DLGAP1: variants seen among roughly 807,000 people sequenced by gnomAD.
The protein encoded by DLGAP1 is DLG associated protein 1, also known as disks large-associated protein 1.
DLGAP1 carries 11 observed loss-of-function variants against 90.8 expected under a neutral mutation model. That is an observed-to-expected ratio of 0.12 (90% CI 0.08 to 0.20). DLGAP1 has a LOEUF of 0.20. DLGAP1 is among the 10% of genes least tolerant of loss of function. The pLI is 1.00. For missense variants in DLGAP1, 1,050 were observed against 1,333.8 expected (o/e 0.79, Z 3.31); for synonymous variants, 558 against 540.7 (o/e 1.03, Z -0.44).
At chr18:4,305,831 A>C (rs2080238231) in intron 1 of DLGAP1, among the ~76,000 whole-genome samples, 1 of 151,680 alleles carries the variant, frequency 6.6e-6, no homozygotes, top group Non-Finnish European at 1.5e-5. Flanking sequence ...TTAAAACAAA[A>C]CAAGCAAATC....
intron 9 of DLGAP1, among the ~76,000 whole-genome samples, chr18:3,540,418 C>T (rs1237098532): frequency 1.4e-5 from 2 of 141,294 alleles, no homozygotes; most frequent in Admixed American, 7.6e-5. Flanking sequence ...TGCAGTAAGC[C>T]GAGATTGCAC....
In DLGAP1 at chr18:3,499,225, C is replaced by T; in HGVS notation, c.2894G>A (p.Ser965Asn). Residue 965 changes from serine (S) to asparagine (N), a missense_variant, in exon 13 of 13, where the codon AGC becomes AAC. Physicochemically the swap from Ser to Asn is conservative, Grantham distance 46 (BLOSUM62 1). This residue lies in a region of DLGAP1 where 565 missense variants were observed against 879.7 expected (regional missense o/e 0.64). Transcript: ENST00000315677. The surrounding 1 kb of genome is among the most constrained non-coding windows in gnomAD (Gnocchi z 6.4). ...RQNSATESAE[S>N]IEIYIPEAQT... ...CGCCTCGGGGATGTAGATCTCGATG[C>T]TCTCGGCGCTCTCGGTGGCCGAGTT... is the stretch of plus-strand genomic sequence containing the variant. 6.3e-7 allele frequency: 1 copy of T among 1,588,928 alleles called. No homozygotes were observed. Among genetic ancestry groups the T allele is most frequent in the Non-Finnish European group, 8.5e-7 (1 of 1,170,806 alleles).
intron 3 of DLGAP1, among the ~76,000 whole-genome samples, chr18:3,991,340 G>C (rs4541164): frequency 0.34 from 52,301 of 151,904 alleles, 9,133 homozygotes; most frequent in East Asian, 0.5. Flanking sequence ...TCATCTCTCT[G>C]TATTTCCGGT....
chr18:4,066,351 A>G (rs2075369714), intron 2 of DLGAP1, among the ~76,000 whole-genome samples: 1 of 152,144 alleles, frequency 6.6e-6, no homozygotes, highest in East Asian at 1.9e-4. Context: ...CAGCAAAAAA[A>G]TAAAAATGAA....
At chr18:4,247,269 C>T (rs979293832) in intron 1 of DLGAP1, among the ~76,000 whole-genome samples, 6 of 152,182 alleles carry the variant, frequency 3.9e-5, no homozygotes, top group African/African-American at 1.4e-4. Context: ...TTTAGAACCA[C>T]CAGCTATATT....
At chr18:3,617,106 G>T (rs769569775) in intron 7 of DLGAP1, among the ~76,000 whole-genome samples, 1 of 152,078 alleles carries the variant, frequency 6.6e-6, no homozygotes, top group African/African-American at 2.4e-5. Flanking sequence ...GAACTACCCC[G>T]CCAAAGCTCT....
intron 1 of DLGAP1, among the ~76,000 whole-genome samples, chr18:4,304,781 T>C (rs780455485): frequency 4.6e-5 from 7 of 151,988 alleles, no homozygotes; most frequent in Admixed American, 2.6e-4. Flanking sequence ...AAATACAAAA[T>C]TTAGCTGGGC....
chr18:4,403,268 C>T (rs186999523), intron 1 of DLGAP1, among the ~76,000 whole-genome samples: 1 of 152,178 alleles, frequency 6.6e-6, no homozygotes, highest in East Asian at 1.9e-4. Flanking sequence ...ACTGAAGTTC[C>T]ACCAAAAAGT....
chr18:3,793,766 C>T (rs771834539), intron 5 of DLGAP1, among the ~76,000 whole-genome samples: 2 of 152,212 alleles, frequency 1.3e-5, no homozygotes, highest in Non-Finnish European at 2.9e-5. Context: ...TCACTTTCCC[C>T]TTGCACAGCT....
intron 2 of DLGAP1, among the ~76,000 whole-genome samples, chr18:4,113,920 T>TA (rs1753033968): frequency 6.6e-6 from 1 of 152,174 alleles, no homozygotes; most frequent in African/African-American, 2.4e-5. Context: ...CAGATGTCTG[T>TA]AGCTCTGTGG....
intron 1 of DLGAP1, among the ~76,000 whole-genome samples, chr18:4,352,658 C>T (rs1014010333): frequency 1.3e-5 from 2 of 152,064 alleles, no homozygotes; most frequent in African/African-American, 2.4e-5. Flanking sequence ...TTTTCCATAA[C>T]GTTTCTGTTT....
chr18:4,353,412 G>A (rs946785248), intron 1 of DLGAP1, among the ~76,000 whole-genome samples: 4 of 152,108 alleles, frequency 2.6e-5, no homozygotes, highest in Non-Finnish European at 5.9e-5. Flanking sequence ...AAAGTGAGCC[G>A]CATTCTGAGC....
At chr18:3,948,939 T>A (rs1450710143) in intron 3 of DLGAP1, among the ~76,000 whole-genome samples, 1 of 151,972 alleles carries the variant, frequency 6.6e-6, no homozygotes, top group Non-Finnish European at 1.5e-5. Flanking sequence ...TTTAAAAAAA[T>A]AAATAAAAAT....
chr18:4,381,507 T>C, intron 1 of DLGAP1, among the ~76,000 whole-genome samples: 1 of 115,476 alleles, frequency 8.7e-6, no homozygotes, highest in African/African-American at 3.9e-5. Context: ...AATTATGCTG[T>C]CTGTTATTTC....
intron 1 of DLGAP1, among the ~76,000 whole-genome samples, chr18:4,372,037 G>A (rs942564142): frequency 1.3e-5 from 2 of 152,174 alleles, no homozygotes; most frequent in African/African-American, 4.8e-5. Flanking sequence ...GCTTCTATCA[G>A]CAGTCAAGCT....
At chr18:4,155,271 C>T (rs958734372) in intron 1 of DLGAP1, among the ~76,000 whole-genome samples, 3 of 152,152 alleles carry the variant, frequency 2.0e-5, no homozygotes, top group African/African-American at 4.8e-5. Flanking sequence ...GCACAATTTA[C>T]TTCTACAAAT....
intron 8 of DLGAP1, among the ~76,000 whole-genome samples, chr18:3,571,808 G>A (rs1229925140): frequency 6.6e-6 from 1 of 152,184 alleles, no homozygotes; most frequent in Non-Finnish European, 1.5e-5. Flanking sequence ...TTACAGGCGT[G>A]AGCCAATGTT....
chr18:3,626,735 G>C (rs149579980), intron 7 of DLGAP1, among the ~76,000 whole-genome samples: 42 of 151,796 alleles, frequency 2.8e-4, no homozygotes, highest in African/African-American at 9.9e-4. Flanking sequence ...GAAAAATTTT[G>C]TCTCTACTAA....
intron 10 of DLGAP1, among the ~76,000 whole-genome samples, chr18:3,524,555 T>C (rs192965476): frequency 1.1e-4 from 16 of 152,340 alleles, no homozygotes; most frequent in Non-Finnish European, 1.5e-5. Context: ...TTCAATAGCA[T>C]ATAAACCTCA....
Sources: allele counts gnomAD v4.1 joint callset (sites outside exome capture counted in the v4.1 genomes callset), GRCh38; gene constraint gnomAD v4.1.1; regional missense constraint gnomAD v4.1.1; non-coding constraint Gnocchi (gnomAD v3.1); transcripts MANE v1.5; gene names NCBI Gene and HGNC (gene_info 2026-07-23, HGNC 2026-07-21).